SUGCT: variants seen among roughly 807,000 people sequenced by gnomAD.
SUGCT encodes the protein succinyl-CoA:glutarate-CoA transferase, also known as succinyl-CoA:glutarate CoA-transferase.
A neutral mutation model predicts 55.0 loss-of-function variants in SUGCT; 41 were observed. The observed-to-expected ratio is 0.74, with a 90% CI of 0.58 to 0.97. SUGCT has a LOEUF of 0.97. SUGCT is among the 50% of genes least tolerant of loss of function. The pLI, the probability that SUGCT is intolerant of heterozygous loss-of-function variation, is 0.00. For synonymous variants in SUGCT, 187 were observed against 200.4 expected, an observed-to-expected ratio of 0.93 and a Z score of 0.56; for missense variants, 568 against 547.8, an observed-to-expected ratio of 1.04 and a Z score of -0.37.
chr7:40,935,261 A>G, the SUGCT span, among the ~76,000 whole-genome samples: 1,112 of 152,324 alleles, frequency 7.3e-3, 16 homozygotes, highest in African/African-American at 0.024. Context: ...TTATTAATAT[A>G]CCATAAAAAT....
chr7:40,610,834 A>G (rs892085306), intron 12 of SUGCT, among the ~76,000 whole-genome samples: 2 of 152,192 alleles, frequency 1.3e-5, no homozygotes, highest in African/African-American at 4.8e-5. Flanking sequence ...AGTTGTGTTT[A>G]AGACTTCGAA....
At chr7:40,370,392 C>T (rs368922005) in intron 9 of SUGCT, among the ~76,000 whole-genome samples, 3 of 152,082 alleles carry the variant, frequency 2.0e-5, no homozygotes, top group East Asian at 3.9e-4. Flanking sequence ...TTAACTCTGC[C>T]GAACCTGGAT....
chr7:40,217,607 C>T (rs1787749652), intron 6 of SUGCT: 1 of 289,396 alleles, frequency 3.5e-6, no homozygotes, highest in Non-Finnish European at 7.0e-6. Flanking sequence ...CCCCATCCTC[C>T]TCTACTTTCT....
chr7:40,554,351 A>G (rs1795454263), intron 12 of SUGCT, among the ~76,000 whole-genome samples: 1 of 152,188 alleles, frequency 6.6e-6, no homozygotes, highest in Admixed American at 6.5e-5. Flanking sequence ...CATTTTGTTC[A>G]TTCATAACCT....
At chr7:40,564,280 G>A (rs1407312106) in intron 12 of SUGCT, among the ~76,000 whole-genome samples, 2 of 152,202 alleles carry the variant, frequency 1.3e-5, no homozygotes, top group Non-Finnish European at 2.9e-5. Flanking sequence ...GGAGGCTGAG[G>A]CAGGAGAATG....
intron 7 of SUGCT, among the ~76,000 whole-genome samples, chr7:40,261,469 T>C (rs1791217357): frequency 6.6e-6 from 1 of 152,230 alleles, no homozygotes; most frequent in East Asian, 1.9e-4. Context: ...GTGAGAATAC[T>C]AACATGTATC....
At chr7:40,837,273 C>A (rs1158190874) in intron 13 of SUGCT, among the ~76,000 whole-genome samples, 2 of 152,060 alleles carry the variant, frequency 1.3e-5, no homozygotes, top group Non-Finnish European at 2.9e-5. Context: ...CATTTTCTAA[C>A]TGGCTTTTAA....
intron 12 of SUGCT, among the ~76,000 whole-genome samples, chr7:40,717,778 C>T (rs952718325): frequency 6.6e-6 from 1 of 152,026 alleles, no homozygotes. Context: ...TTCACTGCAT[C>T]GTTTGGTTCC....
the SUGCT span, among the ~76,000 whole-genome samples, chr7:40,980,184 A>C: frequency 1.3e-5 from 2 of 152,128 alleles, no homozygotes; most frequent in African/African-American, 2.4e-5. Context: ...ACAGAGAAGA[A>C]GCTCTCTGGT....
intron 8 of SUGCT, among the ~76,000 whole-genome samples, chr7:40,275,092 C>T (rs1459331371): frequency 3.3e-5 from 5 of 152,170 alleles, no homozygotes; most frequent in Non-Finnish European, 7.3e-5. Context: ...TGAGCCACCA[C>T]GAATGGCCCA....
intron 6 of SUGCT, among the ~76,000 whole-genome samples, chr7:40,209,285 C>T (rs763112289): frequency 6.6e-6 from 1 of 151,990 alleles, no homozygotes; most frequent in Non-Finnish European, 1.5e-5. Context: ...GGAGGATCAC[C>T]TGAGGAGGTC....
rs540198407 is a variant in SUGCT, at chr7:40,565,948, G to A, written c.1089+69562G>A. ...CTTTCCTTGCTTAATTTTCTTCGTA[G>A]TGATCAACACCTGGCATATCACACA... On this transcript the variant is annotated intron_variant, in intron 12 of 13. Transcript: ENST00000335693. Among the ~76,000 whole-genome samples the A allele has an allele frequency of 6.6e-5, 10 of 150,436 alleles. No individual in the cohort carries two copies. In the South Asian group the frequency reaches 1.9e-3, roughly 28 times the overall value.
At chr7:40,310,062 A>G (rs958780758) in intron 8 of SUGCT, among the ~76,000 whole-genome samples, 1 of 152,328 alleles carries the variant, frequency 6.6e-6, no homozygotes, top group African/African-American at 2.4e-5. Flanking sequence ...ATGTAGTGAC[A>G]TTCTTCCAAA....
intron 8 of SUGCT, among the ~76,000 whole-genome samples, chr7:40,306,481 G>T (rs1794858329): frequency 6.6e-6 from 1 of 152,148 alleles, no homozygotes. Context: ...ACACTTAACA[G>T]ATTGCCTTGC....
intron 1 of SUGCT, among the ~76,000 whole-genome samples, chr7:40,149,876 G>A (rs551843477): frequency 4.9e-4 from 74 of 152,290 alleles, no homozygotes; most frequent in African/African-American, 1.6e-3. Context: ...CTGAGATCGC[G>A]CCATCGCACT....
the SUGCT span, among the ~76,000 whole-genome samples, chr7:40,980,658 G>A: frequency 6.6e-6 from 1 of 152,178 alleles, no homozygotes; most frequent in African/African-American, 2.4e-5. Flanking sequence ...GAAAAAAGAG[G>A]TGAGTAGTCC....
At chr7:40,909,876 T>C in the SUGCT span, among the ~76,000 whole-genome samples, 9 of 152,260 alleles carry the variant, frequency 5.9e-5, no homozygotes, top group Admixed American at 2.0e-4. Context: ...TGTCTGAGTC[T>C]AAAAACAGCA....
chr7:40,620,278 G>A (rs1799201961), intron 12 of SUGCT, among the ~76,000 whole-genome samples: 2 of 152,184 alleles, frequency 1.3e-5, no homozygotes, highest in South Asian at 4.1e-4. Flanking sequence ...CACAGCACTT[G>A]TTCAAGCACA....
intron 12 of SUGCT, among the ~76,000 whole-genome samples, chr7:40,598,475 G>T (rs1444588425): frequency 6.6e-6 from 1 of 152,198 alleles, no homozygotes; most frequent in African/African-American, 2.4e-5. Context: ...GCCAGTGGAG[G>T]GAGGATTCAT....
Sources: allele counts gnomAD v4.1 joint callset (sites outside exome capture counted in the v4.1 genomes callset), GRCh38; gene constraint gnomAD v4.1.1; transcripts MANE v1.5; gene names NCBI Gene and HGNC (gene_info 2026-07-23, HGNC 2026-07-21).